Variants in DYNC2H1 observed in about 807,000 individuals in gnomAD.
The protein encoded by DYNC2H1 is cytoplasmic dynein 2 heavy chain 1.
DYNC2H1 carries 410 observed loss-of-function variants against 570.0 expected under a neutral mutation model. That is an observed-to-expected ratio of 0.72 (90% CI 0.66 to 0.78). DYNC2H1 has a LOEUF of 0.78. Among genes scored for constraint, DYNC2H1 ranks in the 30% least tolerant of loss-of-function variants. DYNC2H1 has a pLI of 0.00. For missense variants in DYNC2H1, 4,865 were observed against 5,046.4 expected, an observed-to-expected ratio of 0.96 and a Z score of 1.09; for synonymous variants, 1,688 against 1,677.6, an observed-to-expected ratio of 1.01 and a Z score of -0.15.
In DYNC2H1 at chr11:103,298,286, G is replaced by A. The variant is rs187443257; in HGVS notation, c.11096-4807G>A. On this transcript the variant is annotated intron_variant, in intron 75 of 88. Coordinates refer to ENST00000375735, the MANE Select transcript of DYNC2H1 (RefSeq NM_001377.3). The stretch of plus-strand genomic sequence containing the variant: ...CACTTGCTGTTCCTATTGCTCAAAC[G>A]CATGTTAAAATAAAACAGGACACTT... Among the ~76,000 whole-genome samples, 470 of 152,112 alleles carry A rather than the reference G, an allele frequency of 3.1e-3. 1 individual carries two copies. The highest frequency in any genetic ancestry group is 4.4e-3 in the Non-Finnish European group (297 of 67,958).
rs776014384 is a variant in DYNC2H1 at position 103,479,079 on chromosome 11, G to C, written c.12766-16G>C. On this transcript the variant is annotated splice_polypyrimidine_tract_variant and intron_variant, in intron 88 of 88. Coordinates refer to ENST00000375735, the MANE Select transcript of DYNC2H1 (RefSeq NM_001377.3). The stretch of plus-strand genomic sequence containing the variant: ...AGTGTATTGCTTTATTTTAAAACAA[G>C]TTATTTTTTAAACAGGATGCATGTG... 11 of 1,612,428 alleles carry C rather than the reference G, an allele frequency of 6.8e-6. No individual in the cohort carries two copies. Among genetic ancestry groups the C allele is most frequent in the Non-Finnish European group, 9.3e-6 (11 of 1,179,084 alleles).
intron 83 of DYNC2H1, among the ~76,000 whole-genome samples, chr11:103,379,071 G>C (rs961039967): frequency 5.3e-5 from 8 of 152,158 alleles, no homozygotes; most frequent in Admixed American, 1.3e-4. Flanking sequence ...TGCTGCCTAT[G>C]GCTAGTTGTT....
At chr11:103,312,687 A>G (rs1038416411) in intron 79 of DYNC2H1, among the ~76,000 whole-genome samples, 1 of 152,008 alleles carries the variant, frequency 6.6e-6, no homozygotes, top group African/African-American at 2.4e-5. Flanking sequence ...GACTGTATAT[A>G]GCTAACTACT....
intron 21 of DYNC2H1, 92 bp downstream of exon 21, chr11:103,152,377 T>C (rs1860603808): frequency 3.3e-6 from 4 of 1,202,864 alleles, no homozygotes; most frequent in Non-Finnish European, 4.6e-6. Flanking sequence ...CCCAGGTTTA[T>C]AATAATTTAA....
At chr11:103,444,903 G>C (rs1368957727) in intron 85 of DYNC2H1, among the ~76,000 whole-genome samples, 5 of 152,082 alleles carry the variant, frequency 3.3e-5, no homozygotes, top group Admixed American at 3.3e-4. Flanking sequence ...ATGTAGGCTT[G>C]GTAAGAAATT....
chr11:103,266,331 A>G (rs569192340), intron 70 of DYNC2H1, among the ~76,000 whole-genome samples: 1 of 152,176 alleles, frequency 6.6e-6, no homozygotes, highest in East Asian at 1.9e-4. Context: ...GACTGTGTGC[A>G]TGATCACACT....
At chr11:103,154,213 A>G (rs566191831) in intron 22 of DYNC2H1, among the ~76,000 whole-genome samples, 2 of 152,102 alleles carry the variant, frequency 1.3e-5, no homozygotes, top group South Asian at 2.1e-4. Flanking sequence ...GAAAAAATGT[A>G]TATTAATGAA....
intron 82 of DYNC2H1, among the ~76,000 whole-genome samples, chr11:103,356,844 G>A (rs1438725425): frequency 6.6e-6 from 1 of 152,044 alleles, no homozygotes; most frequent in Non-Finnish European, 1.5e-5. Flanking sequence ...ATTTTGTTAT[G>A]AACTTTACCA....
chr11:103,333,145 GT>G (rs1373247089), intron 82 of DYNC2H1, among the ~76,000 whole-genome samples: 1 of 152,110 alleles, frequency 6.6e-6, no homozygotes, highest in Non-Finnish European at 1.5e-5. Flanking sequence ...ATAACTTTCT[GT>G]TTATAATTTT....
At position 103,288,684 on chromosome 11, in the gene DYNC2H1, T is replaced by TAAAAAAAAAAAAAAGAAAA. The variant is rs1866450594; in HGVS notation, c.11095+1093_11095+1094insGAAAAAAAAAAAAAAAAAA. Among the ~76,000 whole-genome samples the TAAAAAAAAAAAAAAGAAAA allele has an allele frequency of 5.8e-3, 163 of 27,896 alleles. 3 individuals carry two copies. Among genetic ancestry groups the TAAAAAAAAAAAAAAGAAAA allele is most frequent in the Admixed American group, 0.01 (16 of 1,552 alleles). 18.3% of individuals were successfully genotyped at this position (27,896 alleles called of 152,430 possible). A position where few individuals can be genotyped will look rare whatever the true frequency, so the allele number is the denominator to read the frequency against. ...CTACATGGTGAAACCCCGTCTCTAC[T>TAAAAAAAAAAAAAAGAAAA]AAAAAAAAAAAAAAAAAAAAAAAAA... On this transcript the variant is annotated intron_variant, in intron 75 of 88. Coordinates refer to ENST00000375735, the MANE Select transcript of DYNC2H1 (RefSeq NM_001377.3).
chr11:103,144,559 TTGTG>T (rs1361698922), intron 18 of DYNC2H1, among the ~76,000 whole-genome samples: 1 of 152,174 alleles, frequency 6.6e-6, no homozygotes, highest in African/African-American at 2.4e-5. Flanking sequence ...GCAACAGGAA[TTGTG>T]TGCTGAAAAT....
rs2514406 is a variant in DYNC2H1 at position 103,358,585 on chromosome 11, T to A, written c.12156+226T>A. On this transcript the variant is annotated intron_variant, in intron 83 of 88. Transcript: ENST00000375735. ...TTCCTTATCTTTAAATAAGTAATCA[T>A]ATTCACATAATTTCAGTTCTTCCCT... Among the ~76,000 whole-genome samples the A allele has an allele frequency of 0.55, 83,416 of 151,966 alleles. 24,777 individuals are homozygous for A. The highest frequency in any genetic ancestry group is 0.66 in the Admixed American group (10,134 of 15,290).
At chr11:103,403,964 G>A (rs1284701133) in intron 84 of DYNC2H1, 1 of 151,956 alleles carries the variant, frequency 6.6e-6, no homozygotes, top group Non-Finnish European at 1.5e-5. Context: ...ATAATGGCAG[G>A]TGAGATAGTT....
intron 57 of DYNC2H1, among the ~76,000 whole-genome samples, chr11:103,221,585 G>C (rs1464263758): frequency 6.6e-6 from 1 of 152,108 alleles, no homozygotes; most frequent in Admixed American, 6.6e-5. Context: ...ACGAAAAGTC[G>C]ATAATACAGC....
chr11:103,473,895 T>C (rs1945469278), intron 88 of DYNC2H1, among the ~76,000 whole-genome samples: 1 of 152,164 alleles, frequency 6.6e-6, no homozygotes. Context: ...AAAAATTTAT[T>C]CTCAGAGAAA....
intron 24 of DYNC2H1, among the ~76,000 whole-genome samples, 193 bp from the exon 25 acceptor site, chr11:103,155,138 T>A (rs890009765): frequency 5.9e-5 from 9 of 152,120 alleles, no homozygotes; most frequent in African/African-American, 1.7e-4. Flanking sequence ...AATTTGTGTG[T>A]GTCCATGGCA....
At chr11:103,463,396 G>A (rs1945087798) in intron 87 of DYNC2H1, among the ~76,000 whole-genome samples, 1 of 152,154 alleles carries the variant, frequency 6.6e-6, no homozygotes, top group South Asian at 2.1e-4. Context: ...CAGGCTTGTT[G>A]CTGGTCGAAT....
chr11:103,435,223 A>G (rs1944018661), intron 84 of DYNC2H1, among the ~76,000 whole-genome samples: 1 of 152,250 alleles, frequency 6.6e-6, no homozygotes, highest in Non-Finnish European at 1.5e-5. Context: ...CTTCTTAACT[A>G]TGTAATCAGA....
At chr11:103,474,660 G>A (rs1367237555) in intron 88 of DYNC2H1, among the ~76,000 whole-genome samples, 1 of 151,918 alleles carries the variant, frequency 6.6e-6, no homozygotes, top group Non-Finnish European at 1.5e-5. Context: ...GACCATATTT[G>A]CATAACTTTA....
Sources: gnomAD v4.1 joint callset for allele counts (sites outside exome capture counted in the v4.1 genomes callset) on GRCh38, gnomAD v4.1.1 for gene constraint, MANE v1.5 for transcripts, NCBI Gene and HGNC (gene_info 2026-07-23, HGNC 2026-07-21) for gene names.